COBL: variants seen among roughly 807,000 people sequenced by gnomAD.
COBL encodes the protein cordon-bleu WH2 repeat protein.
In COBL, 51 loss-of-function variants were observed where a neutral mutation model predicts 98.8. The observed-to-expected ratio is 0.52, with a 90% CI of 0.41 to 0.65. The LOEUF (loss-of-function observed/expected upper bound fraction) is 0.65, where lower values mean the gene tolerates loss of function less well. COBL is among the 30% of genes least tolerant of loss of function. The pLI is 0.00. For synonymous variants in COBL, 634 were observed against 651.7 expected, an observed-to-expected ratio of 0.97 and a Z score of 0.41; for missense variants, 1,617 against 1,617.5, an observed-to-expected ratio of 1.00 and a Z score of 0.01.
At chr7:51,115,423 C>T (rs1005313966) in intron 6 of COBL, among the ~76,000 whole-genome samples, 21 of 152,004 alleles carry the variant, frequency 1.4e-4, no homozygotes, top group African/African-American at 5.1e-4. Flanking sequence ...AAATTTTCCT[C>T]TAAGGACTGC....
rs548147787 is a variant in COBL, at chr7:51,314,762, G to A, written c.41+1831C>T. Among the ~76,000 whole-genome samples, 5 of 152,330 alleles carry A rather than the reference G, an allele frequency of 3.3e-5. No homozygotes were observed. In the South Asian group the frequency reaches 1.0e-3, roughly 32 times the overall value. The stretch of plus-strand genomic sequence containing the variant: ...AGTAAATTAGACACTGGATATGAGT[G>A]AGGGAAAGAACTGAATGCATCAGGA... On this transcript the variant is annotated intron_variant, in intron 1 of 12. Transcript: ENST00000265136.
intron 7 of COBL, among the ~76,000 whole-genome samples, chr7:51,048,125 C>T (rs958948078): frequency 8.5e-5 from 13 of 152,128 alleles, no homozygotes; most frequent in Non-Finnish European, 2.9e-5. Context: ...GAGATCACAC[C>T]ACTGCACTCC....
intron 1 of COBL, among the ~76,000 whole-genome samples, chr7:51,250,725 T>A (rs184414325): frequency 5.9e-5 from 9 of 152,258 alleles, no homozygotes; most frequent in African/African-American, 2.2e-4. Context: ...ATAACTAAGG[T>A]ATTATGTAAG....
intron 7 of COBL, among the ~76,000 whole-genome samples, chr7:51,048,830 A>C (rs1219986208): frequency 6.6e-6 from 1 of 152,240 alleles, no homozygotes; most frequent in Non-Finnish European, 1.5e-5. Context: ...AAAATGGTAA[A>C]ATATCATTTG....
intron 7 of COBL, among the ~76,000 whole-genome samples, chr7:51,077,031 T>G (rs1330084676): frequency 6.6e-6 from 1 of 152,192 alleles, no homozygotes; most frequent in Non-Finnish European, 1.5e-5. Context: ...TTCAATGCAC[T>G]AAGGGAATAG....
At chr7:51,138,688 G>A (rs982017714) in intron 5 of COBL, among the ~76,000 whole-genome samples, 4 of 152,140 alleles carry the variant, frequency 2.6e-5, no homozygotes, top group South Asian at 2.1e-4. Context: ...ACTCACAAAC[G>A]TGCACTCACA....
intron 5 of COBL, among the ~76,000 whole-genome samples, chr7:51,181,425 C>T (rs891941214): frequency 1.3e-5 from 2 of 152,192 alleles, no homozygotes; most frequent in African/African-American, 4.8e-5. Context: ...AAATGCCATA[C>T]ACTGGATGCC....
chr7:51,172,747 T>A (rs754273857), intron 5 of COBL, among the ~76,000 whole-genome samples: 1 of 152,200 alleles, frequency 6.6e-6, no homozygotes, highest in Non-Finnish European at 1.5e-5. Context: ...TCCACACTCA[T>A]AGGAATGAGT....
At position 51,026,472 on chromosome 7, in the gene COBL, C is replaced by T. The variant is rs994318954; in HGVS notation, c.3504+74G>A. The T allele has an allele frequency of 9.6e-6, 15 of 1,570,548 alleles. No homozygotes were observed. The Admixed American group carries it at 1.6e-4, about 16-fold the overall frequency. On this transcript the variant is annotated intron_variant, in intron 11 of 12. Transcript: ENST00000265136. Reference sequence around the variant, plus strand: ...GGAAGGACAGAAGCTTCTGCAGCCACCACCCAAGTGCCTCGGAAGAAGGGG... The same window carrying T: ...GGAAGGACAGAAGCTTCTGCAGCCATCACCCAAGTGCCTCGGAAGAAGGGG...
chr7:51,230,525 C>T (rs534592176), intron 1 of COBL, among the ~76,000 whole-genome samples: 1 of 152,154 alleles, frequency 6.6e-6, no homozygotes, highest in African/African-American at 2.4e-5. Context: ...CTTCCCACCA[C>T]CCCTGCTCCA....
intron 2 of COBL, among the ~76,000 whole-genome samples, chr7:51,204,643 C>A (rs534160186): frequency 6.6e-6 from 1 of 151,638 alleles, no homozygotes; most frequent in Non-Finnish European, 1.5e-5. Context: ...CTCCGCCTCC[C>A]GGGTTCAAGC....
chr7:51,028,547 T>C lies in COBL; in HGVS notation c.2549A>G (p.His850Arg). 6.2e-7 allele frequency: 1 copy of C among 1,614,168 alleles called. No homozygotes were observed. Among genetic ancestry groups the C allele is most frequent in the Non-Finnish European group, 8.5e-7 (1 of 1,179,954 alleles). ...CTTGAGAAATGTGACTTCTGTGGTGTGAGCTGCTGGCACCCTCACGTGACC... is the reference window on the plus strand; with the variant it reads ...CTTGAGAAATGTGACTTCTGTGGTGCGAGCTGCTGGCACCCTCACGTGACC... ...GMGHVRVPAAHTTEVTFLKPQ... is the reference protein window; with the variant it reads ...GMGHVRVPAARTTEVTFLKPQ... Residue 850 changes from histidine to arginine, a missense_variant, in exon 10 of 13, where the codon CAC (histidine) becomes CGC (arginine). By Grantham distance (29) the His-to-Arg change is conservative. Transcript: ENST00000265136.
At chr7:51,283,917 A>C (rs1800036999) in intron 1 of COBL, among the ~76,000 whole-genome samples, 1 of 152,142 alleles carries the variant, frequency 6.6e-6, no homozygotes, top group African/African-American at 2.4e-5. Context: ...CAGACACATC[A>C]CAAGAAAACT....
rs1799363035 is a variant in COBL at position 51,276,947 on chromosome 7, C to A, written c.41+39646G>T. ...AAGAGGTGAAATGTAGGAGAGGGCA[C>A]CACAGAAAAGGAGATGCATCTGGGA... On this transcript the variant is annotated intron_variant, in intron 1 of 12. Transcript: ENST00000265136. Among the ~76,000 whole-genome samples the A allele has an allele frequency of 2.6e-5, 4 of 152,114 alleles. No individual in the cohort carries two copies. In the South Asian group the frequency reaches 6.2e-4, roughly 24 times the overall value.
chr7:51,178,400 G>C (rs1788620307), intron 5 of COBL, among the ~76,000 whole-genome samples: 1 of 152,148 alleles, frequency 6.6e-6, no homozygotes, highest in Admixed American at 6.5e-5. Context: ...GCTGAATGAG[G>C]TTGGATGGAT....
chr7:51,101,690 A>G (rs539905228), intron 6 of COBL, among the ~76,000 whole-genome samples: 1 of 152,370 alleles, frequency 6.6e-6, no homozygotes, highest in African/African-American at 2.4e-5. Context: ...CCTACTGGGC[A>G]TATTAGAAAC....
At chr7:51,026,465 G>C in intron 11 of COBL, 81 bp downstream of exon 11, 1 of 1,549,750 alleles carries the variant, frequency 6.5e-7, no homozygotes. Context: ...AGAAGCTTCT[G>C]CAGCCACCAC....
In COBL at chr7:51,028,026, G is replaced by A; in HGVS notation, c.3070C>T (p.Pro1024Ser). The A allele has an allele frequency of 6.2e-7, 1 of 1,605,200 alleles. No individual in the cohort carries two copies. Among genetic ancestry groups the A allele is most frequent in the Non-Finnish European group, 8.5e-7 (1 of 1,175,534 alleles). Residue 1024 changes from proline (P) to serine (S), a missense_variant, in exon 10 of 13, where the codon CCA (proline) becomes TCA (serine). Coordinates refer to ENST00000265136, the MANE Select transcript of COBL (RefSeq NM_015198.5). ...CAGGCCTGAGTGTCAGATGTGTGTG[G>A]AGGGGGTGGGTCTGTACCATCAGGT... Reference protein sequence around the residue: ...RAPDGTDPPPPHTSDTQACSR... With the variant: ...RAPDGTDPPPSHTSDTQACSR...
intron 5 of COBL, among the ~76,000 whole-genome samples, chr7:51,139,092 CT>C (rs1231850849): frequency 2.6e-5 from 4 of 152,016 alleles, no homozygotes; most frequent in African/African-American, 9.7e-5. Flanking sequence ...ATTTTTTTTG[CT>C]GTCATAAGCA....
Sources: gnomAD v4.1 joint callset for allele counts (sites outside exome capture counted in the v4.1 genomes callset) on GRCh38, gnomAD v4.1.1 for gene constraint, MANE v1.5 for transcripts, NCBI Gene and HGNC (gene_info 2026-07-23, HGNC 2026-07-21) for gene names.